Variants in NPHP1 observed in about 807,000 individuals in gnomAD.
The protein encoded by NPHP1 is nephrocystin 1, also known as nephrocystin-1.
NPHP1 carries 70 observed loss-of-function variants against 90.4 expected under a neutral mutation model. The observed-to-expected ratio is 0.77, with a 90% CI of 0.64 to 0.95. The LOEUF (loss-of-function observed/expected upper bound fraction) is 0.95. Ranked by LOEUF, NPHP1 falls within the 40% of genes least tolerant of loss-of-function variation. The probability of loss-of-function intolerance (pLI) is 0.00; values close to 1 mark genes in which losing one functional copy is unlikely to be tolerated. For synonymous variants in NPHP1, 256 were observed against 271.7 expected, an observed-to-expected ratio of 0.94 and a Z score of 0.57; for missense variants, 764 against 795.9, an observed-to-expected ratio of 0.96 and a Z score of 0.48.
chr2:110,127,546 G>A (rs1384564268), intron 18 of NPHP1: 1 of 152,066 alleles, frequency 6.6e-6, no homozygotes. Context: ...CTTTTCACAG[G>A]CAGGTATATA....
At chr2:110,178,384 C>A (rs770286793) in intron 4 of NPHP1, 39 bp downstream of exon 4, 4 of 1,602,608 alleles carry the variant, frequency 2.5e-6, no homozygotes, top group African/African-American at 1.3e-5. Flanking sequence ...GGTGATATAT[C>A]TTTAAAAAAG....
intron 2 of NPHP1, among the ~76,000 whole-genome samples, chr2:110,185,630 T>A (rs991867932): frequency 3.3e-5 from 5 of 152,126 alleles, no homozygotes; most frequent in Non-Finnish European, 7.4e-5. Context: ...CCCTTGCTGG[T>A]CACTCCGCTA....
At position 110,144,549 on chromosome 2, in the gene NPHP1, T is replaced by C; in HGVS notation, c.1373A>G (p.Asn458Ser). ...IPAKTYELFL[N>S]GGTPYEKGIE... ...ACCTTTTTCATAAGGAGTACCACCA[T>C]TCAAGAAAAGCTCATAAGTTCTATA... The change falls in exon 15 of 20, where the codon AAT (asparagine) becomes AGT (serine). Residue 458 changes from asparagine (N) to serine (S), a missense_variant. By Grantham distance (46) the Asn-to-Ser change is conservative. Coordinates refer to ENST00000445609, the MANE Select transcript of NPHP1 (RefSeq NM_001128178.3). The C allele has an allele frequency of 6.2e-7, 1 of 1,602,864 alleles. No individual in the cohort carries two copies. The highest frequency in any genetic ancestry group is 8.5e-7 in the Non-Finnish European group (1 of 1,169,968).
chr2:110,133,533 C>T (rs1314318169), intron 16 of NPHP1, among the ~76,000 whole-genome samples: 1 of 152,032 alleles, frequency 6.6e-6, no homozygotes, highest in Non-Finnish European at 1.5e-5. Flanking sequence ...CTAATTGGAT[C>T]TAGCTGACAT....
At chr2:110,200,825 G>T (rs1685529259) in intron 2 of NPHP1, among the ~76,000 whole-genome samples, 1 of 152,020 alleles carries the variant, frequency 6.6e-6, no homozygotes, top group African/African-American at 2.4e-5. Flanking sequence ...CTGAATGCCT[G>T]ACTTAAGTAA....
At chr2:110,204,500 T>C (rs1559113989) in intron 1 of NPHP1, among the ~76,000 whole-genome samples, 1 of 152,072 alleles carries the variant, frequency 6.6e-6, no homozygotes. Context: ...TGAAAGGAAA[T>C]GGGCTTGGAA....
intron 10 of NPHP1, 43 bp from the exon 11 acceptor site, chr2:110,160,298 T>C (rs770930135): frequency 6.7e-7 from 1 of 1,487,070 alleles, no homozygotes; most frequent in South Asian, 1.1e-5. Flanking sequence ...TTTTATGATT[T>C]CTAACACAAA....
At chr2:110,202,985 A>G (rs1685669910) in intron 1 of NPHP1, among the ~76,000 whole-genome samples, 1 of 152,192 alleles carries the variant, frequency 6.6e-6, no homozygotes, top group Non-Finnish European at 1.5e-5. Context: ...TGTTCCCTAC[A>G]GCACTATTCA....
chr2:110,166,745 A>G (rs975757863), intron 6 of NPHP1, among the ~76,000 whole-genome samples: 6 of 152,256 alleles, frequency 3.9e-5, no homozygotes, highest in Admixed American at 3.3e-4. Context: ...TTTGCAACTG[A>G]CAGTGGATGC....
intron 16 of NPHP1, among the ~76,000 whole-genome samples, chr2:110,136,264 A>G (rs1039460941): frequency 4.6e-5 from 7 of 152,196 alleles, no homozygotes; most frequent in Middle Eastern, 3.2e-3. Context: ...AACTGGCACA[A>G]GACAGGGATG....
intron 2 of NPHP1, among the ~76,000 whole-genome samples, chr2:110,195,649 A>G (rs1299657799): frequency 1.6e-4 from 24 of 152,290 alleles, no homozygotes; most frequent in Non-Finnish European, 4.4e-5. Context: ...AATTGGAAAA[A>G]ACTACTTTAA....
At chr2:110,142,575 C>T (rs1049791636) in intron 16 of NPHP1, among the ~76,000 whole-genome samples, 1 of 151,632 alleles carries the variant, frequency 6.6e-6, no homozygotes, top group African/African-American at 2.4e-5. Flanking sequence ...TGGTCTTGAA[C>T]TCCTGGCCTC....
At chr2:110,199,621 C>T (rs990640918) in intron 2 of NPHP1, among the ~76,000 whole-genome samples, 3 of 151,848 alleles carry the variant, frequency 2.0e-5, no homozygotes, top group Non-Finnish European at 2.9e-5. Flanking sequence ...AGACCCCCCA[C>T]ATCCCCCCAA....
chr2:110,138,628 T>C (rs1344614613), intron 16 of NPHP1, among the ~76,000 whole-genome samples: 2 of 152,122 alleles, frequency 1.3e-5, no homozygotes, highest in Admixed American at 1.3e-4. Flanking sequence ...ACCATGGACA[T>C]GTTCATGAGC....
chr2:110,192,761 GCTCGGGTTAC>G (rs1684845631), intron 2 of NPHP1, among the ~76,000 whole-genome samples: 1 of 152,126 alleles, frequency 6.6e-6, no homozygotes, highest in Non-Finnish European at 1.5e-5. Flanking sequence ...CAGAGAGAAA[GCTCGGGTTAC>G]CCACAAAGGG....
chr2:110,134,159 G>T (rs548768019), intron 16 of NPHP1, among the ~76,000 whole-genome samples: 5 of 152,080 alleles, frequency 3.3e-5, no homozygotes, highest in Non-Finnish European at 7.4e-5. Flanking sequence ...AAATGAAAGA[G>T]GGGATATTAC....
intron 8 of NPHP1, 86 bp from the exon 9 acceptor site, chr2:110,163,221 C>G (rs1682475778): frequency 1.0e-6 from 1 of 962,306 alleles, no homozygotes; most frequent in Non-Finnish European, 1.7e-6. Flanking sequence ...AACTATAACC[C>G]AAAAAAGAAA....
intron 2 of NPHP1, among the ~76,000 whole-genome samples, chr2:110,191,511 A>G (rs1336595060): frequency 6.6e-6 from 1 of 152,182 alleles, no homozygotes; most frequent in Non-Finnish European, 1.5e-5. Flanking sequence ...GCAGCCTGGA[A>G]GCTCAAACTG....
At chr2:110,198,066 C>G (rs7572483) in intron 2 of NPHP1, among the ~76,000 whole-genome samples, 6,495 of 152,046 alleles carry the variant, frequency 0.043, 458 homozygotes, top group African/African-American at 0.15. Flanking sequence ...AGGTAACAAA[C>G]TCTGAACACT....
Sources: allele counts gnomAD v4.1 joint callset (sites outside exome capture counted in the v4.1 genomes callset), GRCh38; gene constraint gnomAD v4.1.1; transcripts MANE v1.5; gene names NCBI Gene and HGNC (gene_info 2026-07-23, HGNC 2026-07-21).